PTPRD: variants seen among roughly 807,000 people sequenced by gnomAD.
PTPRD encodes receptor-type tyrosine-protein phosphatase delta.
In PTPRD, 34 loss-of-function variants were observed where a neutral mutation model predicts 214.5. That is an observed-to-expected ratio of 0.16 (90% confidence interval 0.12 to 0.21). PTPRD has a LOEUF of 0.21. PTPRD is among the 10% of genes least tolerant of loss of function. The pLI, the probability that PTPRD is intolerant of heterozygous loss-of-function variation, is 1.00. For synonymous variants in PTPRD, 1,128 were observed against 845.7 expected (o/e 1.33, Z -5.79); for missense variants, 2,545 against 2,398.7 (o/e 1.06, Z -1.27).
In PTPRD at chr9:9,751,488, G is replaced by A. The variant is rs548413642; in HGVS notation, c.-326+15322C>T. ...ATTATGTCACCCTCAAAAAAGGTGT[G>A]TCTGAAGTCCTAACCACCAGTACCT... On this transcript the variant is annotated intron_variant, in intron 6 of 45. Transcript: ENST00000381196. Among the ~76,000 whole-genome samples, 4 of 152,228 alleles carry A rather than the reference G, an allele frequency of 2.6e-5. No individual in the cohort carries two copies. In the East Asian group the frequency reaches 5.8e-4, roughly 22 times the overall value.
At chr9:9,194,133 T>A (rs1351208226) in intron 9 of PTPRD, among the ~76,000 whole-genome samples, 1 of 152,070 alleles carries the variant, frequency 6.6e-6, no homozygotes, top group Non-Finnish European at 1.5e-5. Flanking sequence ...GTCAGGATCA[T>A]CAGTATCACT....
intron 9 of PTPRD, among the ~76,000 whole-genome samples, chr9:9,383,834 A>G (rs531868122): frequency 2.6e-4 from 39 of 152,190 alleles, no homozygotes; most frequent in African/African-American, 9.1e-4. Flanking sequence ...CTCAGGGATC[A>G]AGTCTAATAG....
chr9:9,107,485 T>G (rs2099800281), intron 10 of PTPRD, among the ~76,000 whole-genome samples: 1 of 152,182 alleles, frequency 6.6e-6, no homozygotes, highest in African/African-American at 2.4e-5. Flanking sequence ...ATTGAAACTT[T>G]TATTTACCAC....
intron 9 of PTPRD, among the ~76,000 whole-genome samples, chr9:9,328,233 G>T (rs1055046805): frequency 5.3e-5 from 8 of 152,082 alleles, no homozygotes; most frequent in African/African-American, 1.9e-4. Flanking sequence ...TAAACAGGGA[G>T]AATGGTAAAG....
At chr9:8,971,148 A>G (rs965381724) in intron 11 of PTPRD, among the ~76,000 whole-genome samples, 2 of 151,810 alleles carry the variant, frequency 1.3e-5, no homozygotes, top group African/African-American at 4.8e-5. Context: ...TGTAATTTTC[A>G]ACGAACATTT....
chr9:10,123,594 A>C (rs1436769834), intron 3 of PTPRD, among the ~76,000 whole-genome samples: 1 of 152,168 alleles, frequency 6.6e-6, no homozygotes, highest in African/African-American at 2.4e-5. Flanking sequence ...GTGGCTTGTG[A>C]AAAAGAATCC....
At chr9:9,987,341 G>C (rs1429447053) in intron 4 of PTPRD, among the ~76,000 whole-genome samples, 1 of 152,052 alleles carries the variant, frequency 6.6e-6, no homozygotes, top group African/African-American at 2.4e-5. Flanking sequence ...CCGGAGACTG[G>C]GCAATTTACA....
intron 3 of PTPRD, among the ~76,000 whole-genome samples, chr9:10,225,826 G>T (rs772438480): frequency 6.6e-6 from 1 of 152,030 alleles, no homozygotes; most frequent in African/African-American, 2.4e-5. Flanking sequence ...ATGTGTTAAG[G>T]TGTATTGGAA....
At chr9:8,612,293 T>G (rs2095479105) in intron 14 of PTPRD, among the ~76,000 whole-genome samples, 1 of 152,242 alleles carries the variant, frequency 6.6e-6, no homozygotes, top group African/African-American at 2.4e-5. Flanking sequence ...TTCCATTGTT[T>G]GCTTTTGTAT....
chr9:9,923,839 C>G (rs1329884305), intron 5 of PTPRD, among the ~76,000 whole-genome samples: 7 of 151,678 alleles, frequency 4.6e-5, no homozygotes, highest in African/African-American at 1.7e-4. Flanking sequence ...GTATTGAAAT[C>G]AAGGAGAATG....
At chr9:9,436,285 T>C (rs2085226164) in intron 8 of PTPRD, among the ~76,000 whole-genome samples, 1 of 152,152 alleles carries the variant, frequency 6.6e-6, no homozygotes, top group African/African-American at 2.4e-5. Context: ...GGATTTTCAC[T>C]CTTTCTCGGT....
At chr9:8,411,934 A>T (rs2093566704) in intron 35 of PTPRD, among the ~76,000 whole-genome samples, 1 of 152,226 alleles carries the variant, frequency 6.6e-6, no homozygotes, top group Non-Finnish European at 1.5e-5. Flanking sequence ...TATTTGAAAA[A>T]GCAAAGAGTA....
At chr9:9,565,793 GC>G (rs1312294036) in intron 8 of PTPRD, among the ~76,000 whole-genome samples, 1 of 151,790 alleles carries the variant, frequency 6.6e-6, no homozygotes, top group Non-Finnish European at 1.5e-5. Flanking sequence ...TTAAACTTTG[GC>G]CCCGTTTCCT....
intron 31 of PTPRD, among the ~76,000 whole-genome samples, chr9:8,470,228 T>C (rs538095406): frequency 1.3e-5 from 2 of 152,238 alleles, no homozygotes; most frequent in African/African-American, 4.8e-5. Context: ...GCTGTGGTCC[T>C]CTGGGGATCT....
At chr9:9,152,349 T>C (rs2099877564) in intron 10 of PTPRD, among the ~76,000 whole-genome samples, 1 of 152,230 alleles carries the variant, frequency 6.6e-6, no homozygotes, top group Non-Finnish European at 1.5e-5. Context: ...CTGCCCTGTA[T>C]ACCCAGGTAA....
At chr9:9,981,660 A>T (rs13292227) in intron 4 of PTPRD, among the ~76,000 whole-genome samples, 20,639 of 151,950 alleles carry the variant, frequency 0.14, 1,623 homozygotes, top group African/African-American at 0.19. Context: ...GCGTCTGGCC[A>T]ACGATTCTAC....
chr9:9,496,674 C>T (rs957773490), intron 8 of PTPRD, among the ~76,000 whole-genome samples: 1 of 152,118 alleles, frequency 6.6e-6, no homozygotes, highest in Non-Finnish European at 1.5e-5. Context: ...GATATAGCTG[C>T]TGTGGACAGT....
At position 10,267,227 on chromosome 9, in the gene PTPRD, T is replaced by C. The variant is rs533753687; in HGVS notation, c.-545+73736A>G. ...AAAAAAGGAAAAAACAAAAAAGTAG[T>C]CAGGGATGGAGCAGATGGAGTTACA... On this transcript the variant is annotated intron_variant, in intron 3 of 45. Transcript: ENST00000381196. Among the ~76,000 whole-genome samples, 11 of 109,000 alleles carry C rather than the reference T, an allele frequency of 1.0e-4. No individual in the cohort carries two copies. In the South Asian group the frequency reaches 2.9e-3, roughly 29 times the overall value. 71.5% of individuals were successfully genotyped at this position (109,000 alleles called of 152,430 possible).
In PTPRD at chr9:9,502,260, A is replaced by T. The variant is rs139930228; in HGVS notation, c.-237+72472T>A. 1.6e-4 allele frequency among the ~76,000 whole-genome samples: 24 copies of T among 151,858 alleles called. No individual in the cohort carries two copies. The East Asian group carries it at 3.7e-3, about 23-fold the overall frequency. On this transcript the variant is annotated intron_variant, in intron 8 of 45. Transcript: ENST00000381196. ...ACTGAAACTTTTTACCCTTTGACTAATATCTCCCCCTTTCTCCCTCTGCTG... is the reference window on the plus strand; with the variant it reads ...ACTGAAACTTTTTACCCTTTGACTATTATCTCCCCCTTTCTCCCTCTGCTG...
Sources: allele counts gnomAD v4.1 joint callset (sites outside exome capture counted in the v4.1 genomes callset), GRCh38; gene constraint gnomAD v4.1.1; transcripts MANE v1.5; gene names NCBI Gene and HGNC (gene_info 2026-07-23, HGNC 2026-07-21).